Variants in PTK2 observed in about 807,000 individuals in gnomAD.
PTK2 encodes protein tyrosine kinase 2.
A neutral mutation model predicts 150.1 loss-of-function variants in PTK2; 45 were observed. That is an observed-to-expected ratio of 0.30 (90% CI 0.24 to 0.38). The LOEUF is 0.38. PTK2 is among the 10% of genes least tolerant of loss of function. The pLI is 1.00. For synonymous variants in PTK2, 432 were observed against 449.2 expected, an observed-to-expected ratio of 0.96 and a Z score of 0.48; for missense variants, 919 against 1,307.3, an observed-to-expected ratio of 0.70 and a Z score of 4.58.
chr8:140,989,307 T>C (rs1048083915), intron 1 of PTK2, among the ~76,000 whole-genome samples: 7 of 148,494 alleles, frequency 4.7e-5, no homozygotes, highest in South Asian at 2.1e-4. Context: ...GGGAGGAGGA[T>C]TGCTTGAGCC....
intron 14 of PTK2, among the ~76,000 whole-genome samples, chr8:140,787,000 T>G (rs2100085357): frequency 6.6e-6 from 1 of 151,584 alleles, no homozygotes; most frequent in South Asian, 2.1e-4. Flanking sequence ...ACTGGAGAAG[T>G]GGGTGGTGGG....
intron 3 of PTK2, 55 bp from the exon 4 acceptor site, chr8:140,879,692 A>AAAAAC: frequency 7.9e-7 from 1 of 1,270,134 alleles, no homozygotes; most frequent in Non-Finnish European, 1.0e-6. Context: ...AAAAAAAAAA[A>AAAAAC]AAAAAAAAAC....
chr8:140,890,577 C>G, exon 3 of PTK2: 4 of 1,614,084 alleles, frequency 2.5e-6, no homozygotes, highest in Non-Finnish European at 3.4e-6. Flanking sequence ...CCTGATAATA[C>G]TGGCCCAGGT....
chr8:140,952,910 G>A (rs1470633168), intron 1 of PTK2, among the ~76,000 whole-genome samples: 2 of 152,120 alleles, frequency 1.3e-5, no homozygotes, highest in Non-Finnish European at 2.9e-5. Context: ...TCCGTTTTCT[G>A]CTAATTAAAA....
chr8:140,712,582 T>C (rs891229343), intron 23 of PTK2, among the ~76,000 whole-genome samples: 29 of 152,292 alleles, frequency 1.9e-4, no homozygotes, highest in African/African-American at 7.0e-4. Flanking sequence ...AAAAATCCAC[T>C]ATTTATCTTG....
At chr8:140,839,556 T>C (rs1028586341) in intron 7 of PTK2, among the ~76,000 whole-genome samples, 2 of 151,834 alleles carry the variant, frequency 1.3e-5, no homozygotes, top group African/African-American at 4.8e-5. Flanking sequence ...TCACATGAAA[T>C]GGAATGTCTA....
At chr8:140,977,439 C>T (rs980448850) in intron 1 of PTK2, among the ~76,000 whole-genome samples, 6 of 152,002 alleles carry the variant, frequency 3.9e-5, no homozygotes, top group South Asian at 2.1e-4. Flanking sequence ...CTGGCCAACA[C>T]GGTGAAACCC....
chr8:140,923,366 T>C (rs977635521), intron 2 of PTK2, among the ~76,000 whole-genome samples: 5 of 152,172 alleles, frequency 3.3e-5, no homozygotes, highest in Non-Finnish European at 7.3e-5. Flanking sequence ...AATAACTGCA[T>C]TTAACCCATA....
chr8:140,759,878 A>G (rs146600647), intron 16 of PTK2, among the ~76,000 whole-genome samples: 19 of 151,666 alleles, frequency 1.3e-4, no homozygotes, highest in African/African-American at 4.6e-4. Context: ...AACAATAGTT[A>G]CCATATGATG....
chr8:140,988,484 C>T (rs1275748801), intron 1 of PTK2, among the ~76,000 whole-genome samples: 2 of 152,178 alleles, frequency 1.3e-5, no homozygotes, highest in Admixed American at 6.5e-5. Flanking sequence ...AATCCCAGCA[C>T]TTTGGGAGGC....
intron 1 of PTK2, among the ~76,000 whole-genome samples, chr8:140,992,870 A>C: frequency 6.6e-6 from 1 of 152,378 alleles, no homozygotes; most frequent in East Asian, 1.9e-4. Flanking sequence ...GGCACAGTGC[A>C]TAACTCACAC....
chr8:140,730,757 T>G (rs879308078), intron 22 of PTK2, among the ~76,000 whole-genome samples: 1 of 152,206 alleles, frequency 6.6e-6, no homozygotes, highest in African/African-American at 2.4e-5. Flanking sequence ...TAACCTAAAA[T>G]ATTTTTCTAA....
rs139696983 is a variant in PTK2, at chr8:140,724,010, C to A, written c.2031-6301G>T. Among the ~76,000 whole-genome samples the A allele has an allele frequency of 1.7e-3, 262 of 152,326 alleles. 1 individual carries two copies. Among genetic ancestry groups the A allele is most frequent in the African/African-American group, 5.9e-3 (245 of 41,576 alleles). ...GATGGTGAGCAAGAAAGTAGTCCTT[C>A]ATTTCCAGTATGGACAGCTAAGACA... On this transcript the variant is annotated intron_variant, in intron 22 of 31. Coordinates refer to ENST00000522684, the Ensembl canonical transcript of PTK2.
chr8:140,783,758 C>G (rs536203842), intron 14 of PTK2, among the ~76,000 whole-genome samples: 1 of 152,144 alleles, frequency 6.6e-6, no homozygotes, highest in South Asian at 2.1e-4. Flanking sequence ...ACCTGAAAAA[C>G]CTAAAAGTAA....
At chr8:141,001,274 C>G (rs2100200168), upstream of PTK2, 2 of 147,414 alleles carry the variant, frequency 1.4e-5, no homozygotes, top group South Asian at 2.0e-4. Context: ...CTCGCGCCCT[C>G]GAGGCCGTGC....
rs183397166 is a variant in PTK2, at chr8:140,704,491, C to T, written c.2229+1628G>A. On this transcript the variant is annotated intron_variant, in intron 24 of 31. Coordinates refer to ENST00000522684, the Ensembl canonical transcript of PTK2. ...CTAGAGTTTCAAATCTTGACAGTGC[C>T]GCAGACCAGGCCTGCTGGGACACAA... 8.9e-3 allele frequency among the ~76,000 whole-genome samples: 1,350 copies of T among 152,286 alleles called. 17 individuals are homozygous for T. Among genetic ancestry groups the T allele is most frequent in the Non-Finnish European group, 0.011 (756 of 68,022 alleles).
intron 7 of PTK2, among the ~76,000 whole-genome samples, chr8:140,839,412 G>A (rs1020518961): frequency 1.4e-4 from 21 of 152,196 alleles, no homozygotes; most frequent in African/African-American, 5.1e-4. Flanking sequence ...ACAGCAGATT[G>A]AGACACCCCA....
At chr8:140,839,716 A>G (rs1159277731) in intron 7 of PTK2, among the ~76,000 whole-genome samples, 1 of 152,214 alleles carries the variant, frequency 6.6e-6, no homozygotes, top group East Asian at 1.9e-4. Flanking sequence ...AGAGAGATAG[A>G]AAACACGAAA....
chr8:140,746,072 A>T (rs1253712665), intron 18 of PTK2, among the ~76,000 whole-genome samples: 1 of 152,106 alleles, frequency 6.6e-6, no homozygotes, highest in Non-Finnish European at 1.5e-5. Context: ...ATTACTAGCC[A>T]GGTAATCAGA....
Sources: gnomAD v4.1 joint callset for allele counts (sites outside exome capture counted in the v4.1 genomes callset) on GRCh38, gnomAD v4.1.1 for gene constraint, MANE v1.5 for transcripts, NCBI Gene and HGNC (gene_info 2026-07-23, HGNC 2026-07-21) for gene names.